Variants in TENM2 observed in about 807,000 individuals in gnomAD.
The protein encoded by TENM2 is teneurin-2.
In TENM2, 52 loss-of-function variants were observed where a neutral mutation model predicts 245.2. The ratio of observed to expected loss-of-function variants is 0.21; its 90% CI spans 0.17 to 0.27. TENM2 has a LOEUF of 0.27. Ranked by LOEUF, TENM2 falls within the 10% of genes least tolerant of loss-of-function variation. The pLI is 1.00. For synonymous variants in TENM2, 1,363 were observed against 1,438.9 expected, an observed-to-expected ratio of 0.95 and a Z score of 1.19; for missense variants, 3,046 against 3,666.8, an observed-to-expected ratio of 0.83 and a Z score of 4.37.
intron 2 of TENM2, among the ~76,000 whole-genome samples, chr5:167,799,863 G>A (rs1030467902): frequency 1.3e-5 from 2 of 152,170 alleles, no homozygotes; most frequent in Non-Finnish European, 2.9e-5. Context: ...TCAGACTCAT[G>A]GGAGATGTTG....
chr5:167,876,491 C>T (rs1773438727), intron 3 of TENM2, among the ~76,000 whole-genome samples: 1 of 152,112 alleles, frequency 6.6e-6, no homozygotes. Context: ...CAGAGAGACA[C>T]CGGCATATTG....
chr5:167,999,636 C>T (rs11134483), intron 5 of TENM2, among the ~76,000 whole-genome samples: 47,650 of 152,056 alleles, frequency 0.31, 7,600 homozygotes, highest in Admixed American at 0.37. Flanking sequence ...CGGAGGAGGA[C>T]GTGGCCTCTT....
intron 9 of TENM2, among the ~76,000 whole-genome samples, chr5:168,103,207 T>G (rs1793963764): frequency 6.6e-6 from 1 of 152,196 alleles, no homozygotes; most frequent in Admixed American, 6.5e-5. Context: ...CACTACAATT[T>G]TGTAAACATT....
intron 2 of TENM2, among the ~76,000 whole-genome samples, chr5:167,867,932 G>A (rs547992089): frequency 6.6e-6 from 1 of 152,304 alleles, no homozygotes; most frequent in South Asian, 2.1e-4. Context: ...GGTAGGTTAA[G>A]TTTGTTTTCT....
intron 19 of TENM2, among the ~76,000 whole-genome samples, chr5:168,210,032 C>G (rs1762666702): frequency 6.6e-6 from 1 of 152,168 alleles, no homozygotes; most frequent in South Asian, 2.1e-4. Flanking sequence ...ACTTTTTCCT[C>G]AAAGGGCTCA....
chr5:167,594,920 T>A (rs779509701), intron 2 of TENM2, among the ~76,000 whole-genome samples: 2 of 152,176 alleles, frequency 1.3e-5, no homozygotes, highest in Non-Finnish European at 2.9e-5. Flanking sequence ...TTTCTGGCAG[T>A]TTGAAATGCA....
At chr5:167,071,753 A>G in the TENM2 span, among the ~76,000 whole-genome samples, 14 of 152,140 alleles carry the variant, frequency 9.2e-5, no homozygotes, top group Non-Finnish European at 1.6e-4. Context: ...TTTACAGATA[A>G]GAAGATTGAG....
chr5:168,245,786 T>C (rs1487640126), intron 26 of TENM2, among the ~76,000 whole-genome samples: 2 of 152,114 alleles, frequency 1.3e-5, no homozygotes, highest in Non-Finnish European at 2.9e-5. Context: ...TGCTGTCCCC[T>C]TGGTCCTTCC....
chr5:167,163,371 G>A, the TENM2 span, among the ~76,000 whole-genome samples: 263 of 152,228 alleles, frequency 1.7e-3, no homozygotes, highest in African/African-American at 6.1e-3. Context: ...GATTACAGGC[G>A]TGAGAGCGTG....
chr5:168,003,306 A>ACACACACAC lies in TENM2; in HGVS notation c.1186+10124_1186+10125insCACACACAC, dbSNP rs1562038456. On this transcript the variant is annotated intron_variant, in intron 5 of 28. Coordinates refer to ENST00000518659, the Ensembl canonical transcript of TENM2. ...TAAAATTACAAAGTTTTTAAGAAAA[A>ACACACACAC]ACACACACACACACACACACACACA... 5.5e-5 allele frequency among the ~76,000 whole-genome samples: 5 copies of ACACACACAC among 90,544 alleles called. 1 individual carries two copies. The East Asian group carries it at 3.4e-3, about 61-fold the overall frequency. 59.4% of individuals were successfully genotyped at this position (90,544 alleles called of 152,430 possible). A position where few individuals can be genotyped will look rare whatever the true frequency, so the allele number is the denominator to read the frequency against.
chr5:167,880,091 G>A (rs529603935), intron 3 of TENM2, among the ~76,000 whole-genome samples: 1 of 152,150 alleles, frequency 6.6e-6, no homozygotes, highest in East Asian at 1.9e-4. Context: ...AGGCTGGAGT[G>A]GCGTGATCTT....
At chr5:167,677,172 A>G (rs1756387328) in intron 2 of TENM2, among the ~76,000 whole-genome samples, 1 of 152,116 alleles carries the variant, frequency 6.6e-6, no homozygotes, top group African/African-American at 2.4e-5. Context: ...AGTTACCCCA[A>G]GAGAATAATA....
rs74831824 is a variant in TENM2, at chr5:167,681,288, T to C, written c.503-194698T>C. On this transcript the variant is annotated intron_variant, in intron 2 of 28. Coordinates refer to ENST00000518659, the Ensembl canonical transcript of TENM2. ...TAGAAAAGGAATTATACACTACATA[T>C]AGTTGTGCTCCTTGCTTTTTCCTAA... Among the ~76,000 whole-genome samples the C allele has an allele frequency of 1.5e-4, 23 of 152,290 alleles. No homozygotes were observed. The East Asian group carries it at 3.9e-3, about 26-fold the overall frequency.
the TENM2 span, among the ~76,000 whole-genome samples, chr5:167,175,463 G>A: frequency 2.6e-5 from 4 of 152,182 alleles, no homozygotes; most frequent in Non-Finnish European, 4.4e-5. Context: ...TTTTTTGTGT[G>A]TAACATTTTG....
At chr5:167,722,381 T>C (rs1467351719) in intron 2 of TENM2, among the ~76,000 whole-genome samples, 3 of 152,118 alleles carry the variant, frequency 2.0e-5, no homozygotes, top group Admixed American at 1.3e-4. Flanking sequence ...AGTAGGTAGA[T>C]AGATTGATAG....
chr5:168,090,536 C>G, intron 7 of TENM2, 38 bp from the exon 10 acceptor site: 1 of 1,588,328 alleles, frequency 6.3e-7, no homozygotes, highest in Non-Finnish European at 8.6e-7. Context: ...CACATCCACA[C>G]CTTGTCTCAT....
chr5:168,049,298 G>A lies in TENM2; in HGVS notation c.1309+1749G>A, dbSNP rs114730130. ...GGAAACTCCACTTTATGGGGTCTCCGTCACGTTTTATCCATAAATGTCCTT... is the reference window on the plus strand; with the variant it reads ...GGAAACTCCACTTTATGGGGTCTCCATCACGTTTTATCCATAAATGTCCTT... On this transcript the variant is annotated intron_variant, in intron 6 of 28. Transcript: ENST00000518659. Among the ~76,000 whole-genome samples the A allele has an allele frequency of 5.6e-4, 86 of 152,246 alleles. 2 individuals carry two copies. Among genetic ancestry groups the A allele is most frequent in the African/African-American group, 2.0e-3 (84 of 41,544 alleles).
intron 2 of TENM2, among the ~76,000 whole-genome samples, chr5:167,590,922 A>C (rs1447787602): frequency 6.6e-6 from 1 of 152,222 alleles, no homozygotes; most frequent in Non-Finnish European, 1.5e-5. Flanking sequence ...CTTCTTGAGA[A>C]AACAATGCAT....
intron 3 of TENM2, 77 bp downstream of exon 5, chr5:167,876,272 C>A: frequency 2.4e-6 from 3 of 1,249,248 alleles, no homozygotes; most frequent in South Asian, 1.3e-5. Context: ...AATGACAATG[C>A]TGAAACAAGG....
Sources: gnomAD v4.1 joint callset for allele counts (sites outside exome capture counted in the v4.1 genomes callset) on GRCh38, gnomAD v4.1.1 for gene constraint, MANE v1.5 for transcripts, NCBI Gene and HGNC (gene_info 2026-07-23, HGNC 2026-07-21) for gene names.